The following MAP3K20 variants were observed in gnomAD, a reference collection of about 807,000 sequenced individuals.
The protein encoded by MAP3K20 is HCCS-4.
Under a neutral mutation model 85.7 loss-of-function variants are expected in MAP3K20, and 40 were observed. That is an observed-to-expected ratio of 0.47 (90% CI 0.36 to 0.61). The LOEUF (loss-of-function observed/expected upper bound fraction) is 0.61. Ranked by LOEUF, MAP3K20 falls within the 20% of genes least tolerant of loss-of-function variation. MAP3K20 has a pLI of 0.00. For synonymous variants in MAP3K20, 325 were observed against 327.7 expected (o/e 0.99, Z 0.09); for missense variants, 817 against 961.7 (o/e 0.85, Z 1.99).
chr2:173,162,968 G>T (rs971474482), intron 2 of MAP3K20, among the ~76,000 whole-genome samples: 1 of 152,040 alleles, frequency 6.6e-6, no homozygotes, highest in Non-Finnish European at 1.5e-5. Flanking sequence ...TATGATGTGG[G>T]GCTTCATAAA....
intron 2 of MAP3K20, among the ~76,000 whole-genome samples, chr2:173,145,526 A>G (rs2106219883): frequency 6.6e-6 from 1 of 152,348 alleles, no homozygotes; most frequent in Admixed American, 6.5e-5. Context: ...AAAGTGTTCA[A>G]TGACAGTGGT....
At chr2:173,101,752 A>G (rs1291924501) in intron 2 of MAP3K20, among the ~76,000 whole-genome samples, 1 of 152,228 alleles carries the variant, frequency 6.6e-6, no homozygotes, top group Non-Finnish European at 1.5e-5. Flanking sequence ...AAATAGAATT[A>G]TCTCACTTGA....
intron 2 of MAP3K20, among the ~76,000 whole-genome samples, chr2:173,092,972 C>T (rs1687344278): frequency 1.3e-5 from 2 of 152,044 alleles, no homozygotes; most frequent in Admixed American, 6.6e-5. Flanking sequence ...ACTGTAAGAG[C>T]ATAACTCATA....
chr2:173,173,329 G>C (rs527448825), intron 3 of MAP3K20, among the ~76,000 whole-genome samples: 100 of 152,182 alleles, frequency 6.6e-4, no homozygotes, highest in Middle Eastern at 6.8e-3. Flanking sequence ...AAAGTATCTG[G>C]TAATCTAAGA....
intron 3 of MAP3K20, among the ~76,000 whole-genome samples, chr2:173,179,716 A>G (rs1041345961): frequency 4.0e-5 from 6 of 151,682 alleles, no homozygotes; most frequent in East Asian, 1.9e-4. Flanking sequence ...ACACACACAC[A>G]CACACACACA....
chr2:173,236,701 C>T (rs553996687), intron 14 of MAP3K20, among the ~76,000 whole-genome samples: 15 of 152,260 alleles, frequency 9.9e-5, no homozygotes, highest in Admixed American at 2.6e-4. Context: ...ATGGGGATTT[C>T]CAACAAGTTT....
Position 173,190,943 on chromosome 2 carries a change from T to C in MAP3K20, c.444+20T>C. The C allele has an allele frequency of 6.2e-7, 1 of 1,606,582 alleles. No individual in the cohort carries two copies. Among genetic ancestry groups the C allele is most frequent in the African/African-American group, 1.3e-5 (1 of 74,390 alleles). On this transcript the variant is annotated intron_variant, in intron 6 of 19. Coordinates refer to ENST00000375213, the MANE Select transcript of MAP3K20 (RefSeq NM_016653.3). ...TTGAAGGTAGGACTATTTCTTTTAC[T>C]TAAAAAAATTGTTAATTTCAGATGT...
intron 2 of MAP3K20, among the ~76,000 whole-genome samples, chr2:173,138,786 C>A (rs896979075): frequency 2.6e-5 from 4 of 152,168 alleles, no homozygotes; most frequent in Non-Finnish European, 5.9e-5. Context: ...TGAATGATAG[C>A]CACTTATTTG....
At chr2:173,119,078 G>A (rs1477302961) in intron 2 of MAP3K20, among the ~76,000 whole-genome samples, 2 of 152,178 alleles carry the variant, frequency 1.3e-5, no homozygotes. Context: ...AGACTCTAAA[G>A]AATATAGGAC....
Position 173,190,095 on chromosome 2 carries a change from T to G in MAP3K20, c.416-800T>G, listed in dbSNP as rs1308734898. Among the ~76,000 whole-genome samples, 11 of 152,208 alleles carry G rather than the reference T, an allele frequency of 7.2e-5. No homozygotes were observed. In the East Asian group the frequency reaches 2.1e-3, roughly 29 times the overall value. On this transcript the variant is annotated intron_variant, in intron 5 of 19. Coordinates refer to ENST00000375213, the MANE Select transcript of MAP3K20 (RefSeq NM_016653.3). ...CCTTCCAAAATTGCCATACATTTTT[T>G]GTCTGCTCCTGAGTTTTTGCATAGG...
chr2:173,264,055 A>G (rs1574170938), intron 19 of MAP3K20, among the ~76,000 whole-genome samples, 160 bp downstream of exon 19: 1 of 152,212 alleles, frequency 6.6e-6, no homozygotes. Context: ...GCTTACTCCA[A>G]TAATTCCCCA....
intron 11 of MAP3K20, chr2:173,221,451 ATT>A (rs1286300276): frequency 1.2e-6 from 2 of 1,613,632 alleles, no homozygotes; most frequent in Non-Finnish European, 1.7e-6. Context: ...GGGTTCAGTG[ATT>A]TTGACTTGTC....
chr2:173,185,110 G>A (rs1443922902), intron 4 of MAP3K20, among the ~76,000 whole-genome samples: 3 of 152,048 alleles, frequency 2.0e-5, no homozygotes, highest in African/African-American at 2.4e-5. Context: ...GCGTGGTGGC[G>A]CATGCCTGTA....
chr2:173,159,327 G>A (rs1379100525), intron 2 of MAP3K20, among the ~76,000 whole-genome samples: 2 of 108,930 alleles, frequency 1.8e-5, no homozygotes, highest in African/African-American at 2.9e-5. Context: ...ACTGAGTACG[G>A]GTTGTTTCAA....
chr2:173,260,642 G>T (rs374874764), intron 17 of MAP3K20, among the ~76,000 whole-genome samples: 1 of 152,200 alleles, frequency 6.6e-6, no homozygotes, highest in East Asian at 1.9e-4. Context: ...AAAGCAGAGC[G>T]ATTGTTGAAG....
intron 1 of MAP3K20, among the ~76,000 whole-genome samples, chr2:173,084,695 A>G (rs1195218324): frequency 1.3e-5 from 2 of 152,236 alleles, no homozygotes; most frequent in African/African-American, 4.8e-5. Context: ...GAGGAAAGCT[A>G]TTGAGAGCAT....
chr2:173,235,442 G>A (rs1574144112), intron 14 of MAP3K20, among the ~76,000 whole-genome samples: 1 of 152,272 alleles, frequency 6.6e-6, no homozygotes, highest in Admixed American at 6.5e-5. Context: ...GATATGTGTG[G>A]CAGCATAGAT....
intron 2 of MAP3K20, among the ~76,000 whole-genome samples, chr2:173,137,962 T>C (rs1379733169): frequency 6.6e-6 from 1 of 152,114 alleles, no homozygotes; most frequent in African/African-American, 2.4e-5. Flanking sequence ...TAATAAATAT[T>C]TGTGATTTTT....
rs184785923 is a variant in MAP3K20 at position 173,087,818 on chromosome 2, C to A, written c.-34-3180C>A. ...ATACAGATTCTCAAAAAATTCTATT[C>A]TGTGTGTTCTATTCAGGTAACTAAT... On this transcript the variant is annotated intron_variant, in intron 1 of 19. Coordinates refer to ENST00000375213, the MANE Select transcript of MAP3K20 (RefSeq NM_016653.3). 2.5e-3 allele frequency among the ~76,000 whole-genome samples: 371 copies of A among 147,830 alleles called. 2 individuals carry two copies. The highest frequency in any genetic ancestry group is 8.8e-3 in the African/African-American group (346 of 39,504).
Sources: gnomAD v4.1 joint callset for allele counts (sites outside exome capture counted in the v4.1 genomes callset) on GRCh38, gnomAD v4.1.1 for gene constraint, MANE v1.5 for transcripts, NCBI Gene and HGNC (gene_info 2026-07-23, HGNC 2026-07-21) for gene names.